Variants in RBFOX3 observed in about 807,000 individuals in gnomAD.
RBFOX3 encodes the protein RNA binding protein fox-1 homolog 3.
In RBFOX3, 17 loss-of-function variants were observed where a neutral mutation model predicts 48.7. That is an observed-to-expected ratio of 0.35 (90% CI 0.24 to 0.52). The LOEUF (loss-of-function observed/expected upper bound fraction) is 0.52, where lower values mean the gene tolerates loss of function less well. Among genes scored for constraint, RBFOX3 ranks in the 20% least tolerant of loss-of-function variants. The probability of loss-of-function intolerance (pLI) is 0.94; values close to 1 mark genes in which losing one functional copy is unlikely to be tolerated. For missense variants in RBFOX3, 382 were observed against 497.5 expected (o/e 0.77, Z 2.21); for synonymous variants, 212 against 209.5 (o/e 1.01, Z -0.10).
chr17:79,232,616 C>A (rs560842034), intron 4 of RBFOX3, among the ~76,000 whole-genome samples: 159 of 152,330 alleles, frequency 1.0e-3, no homozygotes, highest in Non-Finnish European at 1.6e-3. Context: ...TAGCTTGCCC[C>A]ATGCACAAAA....
intron 1 of RBFOX3, among the ~76,000 whole-genome samples, chr17:79,559,830 GTGGTGAATGAA>G (rs2092080381): frequency 6.8e-6 from 1 of 147,200 alleles, no homozygotes; most frequent in Non-Finnish European, 1.5e-5. Context: ...TGGATGTTAG[GTGGTGAATGAA>G]TGGGTGGATG....
chr17:79,445,366 G>A (rs782091523), intron 2 of RBFOX3, among the ~76,000 whole-genome samples: 1 of 152,194 alleles, frequency 6.6e-6, no homozygotes, highest in Non-Finnish European at 1.5e-5. Context: ...CTAAATGACA[G>A]CGGCCTGGGT....
chr17:79,342,242 G>A (rs987566750), intron 2 of RBFOX3, among the ~76,000 whole-genome samples: 12 of 152,210 alleles, frequency 7.9e-5, no homozygotes, highest in Middle Eastern at 3.2e-3. Context: ...TAGACTTTGC[G>A]GCTTGTCAGG....
intron 2 of RBFOX3, among the ~76,000 whole-genome samples, chr17:79,365,309 A>G (rs11651611): frequency 0.13 from 19,928 of 152,248 alleles, 1,822 homozygotes; most frequent in Non-Finnish European, 0.2. Flanking sequence ...TGTGGGGAAA[A>G]AATAGCATCC....
At chr17:79,512,970 C>T (rs2084657641) in intron 1 of RBFOX3, among the ~76,000 whole-genome samples, 1 of 147,344 alleles carries the variant, frequency 6.8e-6, no homozygotes, top group South Asian at 2.1e-4. Flanking sequence ...GGGACACCCA[C>T]CCAGATACAT....
intron 12 of RBFOX3, among the ~76,000 whole-genome samples, chr17:79,096,323 C>T (rs1221038361): frequency 6.6e-6 from 1 of 152,214 alleles, no homozygotes; most frequent in Admixed American, 6.5e-5. Flanking sequence ...TAGGGGCTCA[C>T]TCACTGACCG....
chr17:79,144,655 C>T (rs1427395686), intron 4 of RBFOX3, among the ~76,000 whole-genome samples: 1 of 152,206 alleles, frequency 6.6e-6, no homozygotes, highest in Non-Finnish European at 1.5e-5. Context: ...GCCCTGGGAC[C>T]ACGGTTCCAA....
At chr17:79,516,533 C>T (rs1039670027) in intron 1 of RBFOX3, among the ~76,000 whole-genome samples, 2 of 152,260 alleles carry the variant, frequency 1.3e-5, no homozygotes, top group African/African-American at 2.4e-5. Flanking sequence ...AGAGCCAGAG[C>T]TCTGTTCACG....
At chr17:79,223,290 C>T (rs1265646698) in intron 4 of RBFOX3, among the ~76,000 whole-genome samples, 6 of 152,128 alleles carry the variant, frequency 3.9e-5, no homozygotes, top group Non-Finnish European at 7.4e-5. Context: ...CACACATGCA[C>T]GGATGCCCTG....
rs1036275705 is a variant in RBFOX3 at position 79,480,657 on chromosome 17, G to A, written c.-175+1797C>T. 1.1e-4 allele frequency among the ~76,000 whole-genome samples: 16 copies of A among 152,092 alleles called. No individual in the cohort carries two copies. Among genetic ancestry groups the A allele is most frequent in the South Asian group, 4.2e-4 (2 of 4,812 alleles). On this transcript the variant is annotated intron_variant, in intron 2 of 14. Transcript: ENST00000693108. The surrounding 1 kb of genome is among the most constrained non-coding windows in gnomAD (Gnocchi z 4.8). ...CATGCCCACACGTTGCTGCCTCGGC[G>A]CCTTGGCACTGGCCATTCCCTCTGT...
chr17:79,425,972 G>A (rs1177784555), intron 2 of RBFOX3, among the ~76,000 whole-genome samples: 4 of 152,140 alleles, frequency 2.6e-5, no homozygotes, highest in Admixed American at 6.5e-5. Flanking sequence ...AGACAGACGC[G>A]GTGACCAGTG....
chr17:79,294,510 C>T (rs1371248991), intron 3 of RBFOX3, among the ~76,000 whole-genome samples: 2 of 152,190 alleles, frequency 1.3e-5, no homozygotes, highest in African/African-American at 4.8e-5. Context: ...TAGGGTTTCA[C>T]CATTTTGGCC....
chr17:79,644,932 G>C, the RBFOX3 span, among the ~76,000 whole-genome samples: 1 of 152,172 alleles, frequency 6.6e-6, no homozygotes, highest in African/African-American at 2.4e-5. Context: ...AATGTGGAAG[G>C]CTCAGAAAAT....
At chr17:79,233,176 A>G (rs530989859) in intron 4 of RBFOX3, among the ~76,000 whole-genome samples, 11 of 152,376 alleles carry the variant, frequency 7.2e-5, no homozygotes, top group African/African-American at 2.4e-4. Flanking sequence ...CAGAACAAGG[A>G]GAAAAGTATA....
intron 1 of RBFOX3, among the ~76,000 whole-genome samples, chr17:79,539,288 G>A (rs1009844313): frequency 6.6e-6 from 1 of 152,166 alleles, no homozygotes; most frequent in African/African-American, 2.4e-5. Context: ...GGGGGTCACG[G>A]CTGCAGTGAG....
rs1204270078 is a variant in RBFOX3 at position 79,119,345 on chromosome 17, G to A, written c.-33-3597C>T. On this transcript the variant is annotated intron_variant, in intron 4 of 14. Transcript: ENST00000693108. ...CACAGTGCTCCCTGCTTTTACAGAC[G>A]CTCACTCATTGAGTGGACACTTCCC... 4.6e-5 allele frequency among the ~76,000 whole-genome samples: 7 copies of A among 152,268 alleles called. No individual in the cohort carries two copies. The East Asian group carries it at 7.7e-4, about 17-fold the overall frequency.
chr17:79,288,507 A>T (rs2072515785), intron 3 of RBFOX3, among the ~76,000 whole-genome samples: 1 of 146,794 alleles, frequency 6.8e-6, no homozygotes, highest in Non-Finnish European at 1.5e-5. Context: ...CAGCCCCTCC[A>T]TCCTGGTCAG....
intron 2 of RBFOX3, among the ~76,000 whole-genome samples, chr17:79,315,021 A>C (rs545904345): frequency 1.3e-5 from 2 of 152,086 alleles, no homozygotes; most frequent in African/African-American, 4.8e-5. Context: ...TTCTCCAAAA[A>C]TTTTTTGAGA....
chr17:79,110,668 C>T (rs1412822975), intron 5 of RBFOX3, among the ~76,000 whole-genome samples: 1 of 152,244 alleles, frequency 6.6e-6, no homozygotes, highest in Non-Finnish European at 1.5e-5. Flanking sequence ...CGTGTGGTCT[C>T]AACCTATCCA....
Sources: gnomAD v4.1 joint callset for allele counts (sites outside exome capture counted in the v4.1 genomes callset) on GRCh38, gnomAD v4.1.1 for gene constraint, Gnocchi (gnomAD v3.1) non-coding constraint, MANE v1.5 for transcripts, NCBI Gene and HGNC (gene_info 2026-07-23, HGNC 2026-07-21) for gene names.